The following KIF26B variants were observed in gnomAD, a reference collection of about 807,000 sequenced individuals.
KIF26B encodes the protein kinesin-like protein KIF26B.
Under a neutral mutation model 151.2 loss-of-function variants are expected in KIF26B, and 63 were observed. That is an observed-to-expected ratio of 0.42 (90% CI 0.34 to 0.51). The LOEUF is 0.51. Among genes scored for constraint, KIF26B ranks in the 20% least tolerant of loss-of-function variants. The pLI is 0.07. For synonymous variants in KIF26B, 1,357 were observed against 1,262.1 expected, an observed-to-expected ratio of 1.08 and a Z score of -1.59; for missense variants, 2,813 against 2,913.6, an observed-to-expected ratio of 0.97 and a Z score of 0.79.
chr1:245,674,863 G>T (rs900866427), intron 10 of KIF26B, among the ~76,000 whole-genome samples: 2 of 152,158 alleles, frequency 1.3e-5, no homozygotes, highest in African/African-American at 4.8e-5. Context: ...CCCCCAGTCT[G>T]CCAAGTCGGC....
intron 5 of KIF26B, among the ~76,000 whole-genome samples, chr1:245,576,583 C>T (rs1301654873): frequency 6.6e-6 from 1 of 152,166 alleles, no homozygotes; most frequent in African/African-American, 2.4e-5. Flanking sequence ...ACCTGCACTC[C>T]GTGTGCCTGG....
At chr1:245,236,631 T>C (rs1670114978) in intron 2 of KIF26B, among the ~76,000 whole-genome samples, 1 of 152,194 alleles carries the variant, frequency 6.6e-6, no homozygotes, top group South Asian at 2.1e-4. Context: ...TGAAGCAAAT[T>C]TTATAATGCA....
intron 2 of KIF26B, among the ~76,000 whole-genome samples, chr1:245,310,536 T>A (rs1007624855): frequency 6.6e-6 from 1 of 152,210 alleles, no homozygotes; most frequent in Non-Finnish European, 1.5e-5. Context: ...TAGGAAACGA[T>A]GTGCTGTTTT....
intron 2 of KIF26B, among the ~76,000 whole-genome samples, chr1:245,298,526 T>C (rs1289240098): frequency 6.6e-6 from 1 of 152,078 alleles, no homozygotes; most frequent in Non-Finnish European, 1.5e-5. Flanking sequence ...GAGTTTCAGT[T>C]TGGGAAAGTG....
At chr1:245,599,275 G>GA (rs999801346) in intron 5 of KIF26B, among the ~76,000 whole-genome samples, 44 of 151,974 alleles carry the variant, frequency 2.9e-4, no homozygotes, top group Non-Finnish European at 4.7e-4. Flanking sequence ...TCCTTTAAGG[G>GA]AAAAAAAAGT....
rs1242367388 is a variant in KIF26B, at chr1:245,667,159, G to A, written c.2259-17074G>A. On this transcript the variant is annotated intron_variant, in intron 10 of 14. Coordinates refer to ENST00000407071, the MANE Select transcript of KIF26B (RefSeq NM_018012.4). This position sits in a 1 kb window ranked among gnomAD's most constrained non-coding sequence, Gnocchi z 4.3. ...AGCCTTATGCTAGGCACTCCTTCCA[G>A]CCCAAGGCAGCATCGTCTACTTTGG... Among the ~76,000 whole-genome samples, 2 of 152,110 alleles carry A rather than the reference G, an allele frequency of 1.3e-5. No homozygotes were observed. Among genetic ancestry groups the A allele is most frequent in the Admixed American group, 6.6e-5 (1 of 15,256 alleles).
intron 2 of KIF26B, among the ~76,000 whole-genome samples, chr1:245,267,526 G>C (rs1350985823): frequency 6.6e-6 from 1 of 151,944 alleles, no homozygotes; most frequent in Non-Finnish European, 1.5e-5. Flanking sequence ...GTGCAGAAAA[G>C]CTCAACTGGA....
chr1:245,676,802 C>T (rs1267408116), intron 10 of KIF26B, among the ~76,000 whole-genome samples: 3 of 152,242 alleles, frequency 2.0e-5, no homozygotes, highest in Admixed American at 6.5e-5. Flanking sequence ...TGAGGGCTCT[C>T]ATGAATGCTC....
chr1:245,566,600 A>T (rs59951506), intron 5 of KIF26B, among the ~76,000 whole-genome samples: 9,083 of 152,324 alleles, frequency 0.06, 487 homozygotes, highest in East Asian at 0.21. Flanking sequence ...TCTTCCTCCA[A>T]ACAAAAGCTT....
At chr1:245,396,678 CT>C (rs1673853177) in intron 3 of KIF26B, among the ~76,000 whole-genome samples, 1 of 151,972 alleles carries the variant, frequency 6.6e-6, no homozygotes, top group African/African-American at 2.4e-5. Context: ...AACTATTTGA[CT>C]TTTGCTTTAG....
intron 2 of KIF26B, among the ~76,000 whole-genome samples, chr1:245,171,762 G>A (rs550917940): frequency 7.0e-4 from 106 of 152,300 alleles, no homozygotes; most frequent in African/African-American, 2.5e-3. Flanking sequence ...CATGGTTCTT[G>A]GGGTCTGGCC....
At chr1:245,324,334 A>G (rs1671944697) in intron 2 of KIF26B, among the ~76,000 whole-genome samples, 2 of 152,342 alleles carry the variant, frequency 1.3e-5, no homozygotes, top group Non-Finnish European at 2.9e-5. Context: ...TATATTGTTT[A>G]GGACATCTCA....
chr1:245,442,081 A>G (rs1486989328), intron 4 of KIF26B, among the ~76,000 whole-genome samples: 1 of 152,166 alleles, frequency 6.6e-6, no homozygotes, highest in Non-Finnish European at 1.5e-5. Context: ...GGCTTAGGGT[A>G]TTTCATTAAT....
At chr1:245,430,118 C>G (rs1658743464) in intron 4 of KIF26B, among the ~76,000 whole-genome samples, 1 of 152,094 alleles carries the variant, frequency 6.6e-6, no homozygotes, top group South Asian at 2.1e-4. Flanking sequence ...GGGAAATGTT[C>G]TTTCTTTGTG....
chr1:245,156,811 G>T, intron 2 of KIF26B, 128 bp downstream of exon 2: 1 of 528,784 alleles, frequency 1.9e-6, no homozygotes, highest in South Asian at 5.3e-5. Context: ...GCGGCGCTGG[G>T]GATGCTCCAC....
intron 3 of KIF26B, among the ~76,000 whole-genome samples, chr1:245,373,938 G>A (rs1056382315): frequency 6.7e-6 from 1 of 149,264 alleles, no homozygotes; most frequent in Non-Finnish European, 1.5e-5. Context: ...CATGCCTGTA[G>A]TCCCAGCTAC....
chr1:245,232,706 A>G (rs926681542), intron 2 of KIF26B, among the ~76,000 whole-genome samples: 9 of 151,580 alleles, frequency 5.9e-5, no homozygotes, highest in Non-Finnish European at 7.4e-5. Flanking sequence ...ATGAGCCACC[A>G]CTCCCGGCTA....
chr1:245,535,932 A>G (rs7518092), intron 4 of KIF26B, among the ~76,000 whole-genome samples: 77,704 of 152,068 alleles, frequency 0.51, 20,995 homozygotes, highest in Middle Eastern at 0.63. Flanking sequence ...TCATCTTCCT[A>G]TGTGGAAACT....
Position 245,367,183 on chromosome 1 carries a change from G to C in KIF26B, c.815G>C (p.Gly272Ala). Residue 272 changes from glycine to alanine, a missense_variant, in exon 3 of 15, where the codon GGG becomes GCG. Transcript: ENST00000407071. The surrounding 1 kb of genome is among the most constrained non-coding windows in gnomAD (Gnocchi z 4.2). ...NKHGSKPSSLGVSNGAEKKSG... is the reference protein window; with the variant it reads ...NKHGSKPSSLAVSNGAEKKSG... The stretch of plus-strand genomic sequence containing the variant: ...CACGGCAGCAAACCCAGCAGCCTTG[G>C]GGTCAGCAATGGGGCGGAAAAGAAG... 1 of 1,608,280 alleles carries C rather than the reference G, an allele frequency of 6.2e-7. No homozygotes were observed. Among genetic ancestry groups the C allele is most frequent in the Non-Finnish European group, 8.5e-7 (1 of 1,177,480 alleles).
Sources: allele counts gnomAD v4.1 joint callset (sites outside exome capture counted in the v4.1 genomes callset), GRCh38; gene constraint gnomAD v4.1.1; non-coding constraint Gnocchi (gnomAD v3.1); transcripts MANE v1.5; gene names NCBI Gene and HGNC (gene_info 2026-07-23, HGNC 2026-07-21).